FARS2: variants seen among roughly 807,000 people sequenced by gnomAD.
FARS2 encodes the protein phenylalanine--tRNA ligase, mitochondrial.
FARS2 carries 40 observed loss-of-function variants against 46.4 expected under a neutral mutation model. The observed-to-expected ratio is 0.86, with a 90% CI of 0.67 to 1.12. The LOEUF is 1.12. Among genes scored for constraint, FARS2 ranks in the 50% most tolerant of loss-of-function variants. FARS2 has a pLI of 0.00. For synonymous variants in FARS2, 234 were observed against 214.9 expected (o/e 1.09, Z -0.78); for missense variants, 513 against 567.9 (o/e 0.90, Z 0.98).
chr6:5,300,979 A>G (rs534776191), intron 1 of FARS2, among the ~76,000 whole-genome samples: 1 of 151,408 alleles, frequency 6.6e-6, no homozygotes, highest in East Asian at 2.0e-4. Context: ...GGCTTCCCAA[A>G]GTGTTGGGAT....
At chr6:5,490,755 T>G (rs1767057850) in intron 4 of FARS2, among the ~76,000 whole-genome samples, 1 of 152,228 alleles carries the variant, frequency 6.6e-6, no homozygotes, top group African/African-American at 2.4e-5. Flanking sequence ...AGCAGCCTTA[T>G]GCAGAGACCC....
chr6:5,449,757 C>G (rs912867108), intron 4 of FARS2, among the ~76,000 whole-genome samples: 1 of 152,188 alleles, frequency 6.6e-6, no homozygotes, highest in Non-Finnish European at 1.5e-5. Context: ...TCCGAAAACT[C>G]GAAATCAGAA....
chr6:5,511,171 C>T (rs1768429393), intron 4 of FARS2, among the ~76,000 whole-genome samples: 2 of 152,074 alleles, frequency 1.3e-5, no homozygotes, highest in African/African-American at 2.4e-5. Flanking sequence ...GAAGTAAGAA[C>T]AAGAAAGAAT....
intron 4 of FARS2, among the ~76,000 whole-genome samples, chr6:5,518,844 A>C (rs1189881078): frequency 6.6e-6 from 1 of 152,178 alleles, no homozygotes; most frequent in Non-Finnish European, 1.5e-5. Context: ...TTAGCAGCAA[A>C]ACTAATTCCT....
Position 5,771,562 on chromosome 6 carries a change from A to C in FARS2, c.*133A>C. 1 of 966,884 alleles carries C rather than the reference A, an allele frequency of 1.0e-6. No individual in the cohort carries two copies. The highest frequency in any genetic ancestry group is 1.5e-6 in the Non-Finnish European group (1 of 665,710). The allele number at this position is 966,884 out of a possible 1,614,324, so 59.9% of individuals were successfully genotyped here. A position where few individuals can be genotyped will look rare whatever the true frequency, so the allele number is the denominator to read the frequency against. Reference sequence around the variant, plus strand: ...ATCAGTTTTAGGACTTTCAGAAAATAAAAGATCGCTCTTGAAAAGCTGTTG... The same window carrying C: ...ATCAGTTTTAGGACTTTCAGAAAATCAAAGATCGCTCTTGAAAAGCTGTTG... On this transcript the variant is annotated 3_prime_UTR_variant, in exon 7 of 7. Transcript: ENST00000274680.
At chr6:5,260,986 C>G, upstream of FARS2, 1 of 1,160,460 alleles carries the variant, frequency 8.6e-7, no homozygotes, top group Non-Finnish European at 1.1e-6. Context: ...GAGGGAGATG[C>G]CTCCGCCCCG....
intron 6 of FARS2, among the ~76,000 whole-genome samples, chr6:5,751,613 C>T (rs1761952731): frequency 6.6e-6 from 1 of 152,166 alleles, no homozygotes; most frequent in Non-Finnish European, 1.5e-5. Context: ...CTTTTCTGCC[C>T]ACTAGTGCCA....
At chr6:5,536,587 C>T (rs1303133883) in intron 4 of FARS2, among the ~76,000 whole-genome samples, 3 of 152,122 alleles carry the variant, frequency 2.0e-5, no homozygotes, top group Non-Finnish European at 2.9e-5. Flanking sequence ...GCCACAAGTA[C>T]AATGAAAATC....
At chr6:5,652,718 G>A (rs1432014392) in intron 6 of FARS2, among the ~76,000 whole-genome samples, 1 of 152,250 alleles carries the variant, frequency 6.6e-6, no homozygotes, top group African/African-American at 2.4e-5. Context: ...TGCCTGGATT[G>A]AGGCCCAGCA....
chr6:5,747,882 T>G (rs895484129), intron 6 of FARS2, among the ~76,000 whole-genome samples: 4 of 152,230 alleles, frequency 2.6e-5, no homozygotes, highest in African/African-American at 9.6e-5. Flanking sequence ...TTTTTAAAAT[T>G]ATTCAATTCA....
At chr6:5,619,356 A>G (rs933454686) in intron 6 of FARS2, among the ~76,000 whole-genome samples, 1 of 152,106 alleles carries the variant, frequency 6.6e-6, no homozygotes, top group African/African-American at 2.4e-5. Context: ...GGCAGGTTTG[A>G]AAGGGTGGAT....
intron 1 of FARS2, among the ~76,000 whole-genome samples, chr6:5,354,994 C>T (rs1757824839): frequency 6.6e-6 from 1 of 152,112 alleles, no homozygotes; most frequent in African/African-American, 2.4e-5. Flanking sequence ...TTGAGAACTA[C>T]TGTTGTATTC....
At chr6:5,607,105 A>G (rs778721738) in intron 5 of FARS2, among the ~76,000 whole-genome samples, 8 of 152,184 alleles carry the variant, frequency 5.3e-5, no homozygotes, top group Middle Eastern at 3.2e-3. Context: ...TTAACTTAAA[A>G]TTAGCTGTTG....
chr6:5,558,235 T>C (rs1397496959), intron 5 of FARS2, among the ~76,000 whole-genome samples: 1 of 152,150 alleles, frequency 6.6e-6, no homozygotes, highest in Non-Finnish European at 1.5e-5. Context: ...ATTCTGCTCC[T>C]TTACTCAGAG....
At chr6:5,704,568 A>G (rs1001272408) in intron 6 of FARS2, among the ~76,000 whole-genome samples, 13 of 152,224 alleles carry the variant, frequency 8.5e-5, no homozygotes, top group Admixed American at 2.6e-4. Context: ...GTCAATATAT[A>G]CATATGCTAG....
At chr6:5,686,076 G>A (rs1757173903) in intron 6 of FARS2, among the ~76,000 whole-genome samples, 1 of 152,168 alleles carries the variant, frequency 6.6e-6, no homozygotes, top group South Asian at 2.1e-4. Context: ...TGGATGATGA[G>A]ATTTCATCTG....
At chr6:5,547,716 A>G (rs1021906831) in intron 5 of FARS2, among the ~76,000 whole-genome samples, 2 of 152,144 alleles carry the variant, frequency 1.3e-5, no homozygotes, top group Admixed American at 6.5e-5. Flanking sequence ...CCATTTTCCA[A>G]TCTGCCATGC....
chr6:5,678,408 G>A (rs966546848), intron 6 of FARS2, among the ~76,000 whole-genome samples: 5 of 152,186 alleles, frequency 3.3e-5, no homozygotes, highest in Admixed American at 6.5e-5. Flanking sequence ...TTGAGGAGAC[G>A]CTTTGGCCTC....
intron 1 of FARS2, among the ~76,000 whole-genome samples, chr6:5,305,803 C>T (rs1768658656): frequency 6.6e-6 from 1 of 152,102 alleles, no homozygotes; most frequent in Non-Finnish European, 1.5e-5. Flanking sequence ...GCTGTCTGAC[C>T]ATGCTTGTCC....
Sources: allele counts gnomAD v4.1 joint callset (sites outside exome capture counted in the v4.1 genomes callset), GRCh38; gene constraint gnomAD v4.1.1; transcripts MANE v1.5; gene names NCBI Gene and HGNC (gene_info 2026-07-23, HGNC 2026-07-21).